Variants in SAMD12 observed in about 807,000 individuals in gnomAD.
SAMD12 encodes sterile alpha motif domain containing 12.
A neutral mutation model predicts 15.0 loss-of-function variants in SAMD12; 9 were observed. That is an observed-to-expected ratio of 0.60 (90% CI 0.36 to 1.05). SAMD12 has a LOEUF of 1.05. Among genes scored for constraint, SAMD12 ranks in the 50% least tolerant of loss-of-function variants. The pLI, the probability that SAMD12 is intolerant of heterozygous loss-of-function variation, is 0.01. For synonymous variants in SAMD12, 86 were observed against 90.1 expected, an observed-to-expected ratio of 0.96 and a Z score of 0.25; for missense variants, 230 against 234.2, an observed-to-expected ratio of 0.98 and a Z score of 0.12.
intron 4 of SAMD12, among the ~76,000 whole-genome samples, chr8:118,355,772 G>A (rs73325635): frequency 6.6e-6 from 1 of 152,122 alleles, no homozygotes; most frequent in African/African-American, 2.4e-5. Flanking sequence ...ATGCATATCT[G>A]TATATAGAAG....
intron 2 of SAMD12, among the ~76,000 whole-genome samples, chr8:118,510,770 CTATT>C (rs1292791049): frequency 6.6e-6 from 1 of 152,200 alleles, no homozygotes; most frequent in African/African-American, 2.4e-5. Context: ...CAAAAGAGTA[CTATT>C]TATTAGTTAA....
At position 118,548,384 on chromosome 8, in the gene SAMD12, TACACACACACAC is replaced by T. The variant is rs36228827; in HGVS notation, c.192+32319_192+32330del. ...ATACCCTTTACACTAAAAACACACA[TACACACACACAC>T]ACACACACACACACACACACACACA... is the stretch of plus-strand genomic sequence containing the variant. On this transcript the variant is annotated intron_variant, in intron 2 of 3. Transcript: ENST00000314727. Among the ~76,000 whole-genome samples, 453 of 139,902 alleles carry T rather than the reference TACACACACACAC, an allele frequency of 3.2e-3. 3 individuals carry two copies. Among genetic ancestry groups the T allele is most frequent in the African/African-American group, 0.01 (384 of 36,922 alleles). The allele number at this position is 139,902 out of a possible 152,430, so 91.8% of individuals were successfully genotyped here.
chr8:118,396,716 T>C (rs1461302640), intron 3 of SAMD12, among the ~76,000 whole-genome samples: 2 of 152,240 alleles, frequency 1.3e-5, no homozygotes, highest in Non-Finnish European at 2.9e-5. Context: ...TGCGCCTGTT[T>C]AGTTCAGCAT....
At chr8:118,341,940 C>T (rs1379855478) in intron 4 of SAMD12, among the ~76,000 whole-genome samples, 2 of 152,200 alleles carry the variant, frequency 1.3e-5, no homozygotes, top group East Asian at 3.8e-4. Flanking sequence ...ACAGAAATGG[C>T]CCATGCCCAC....
chr8:118,524,701 C>T lies in SAMD12; in HGVS notation c.192+56014G>A, dbSNP rs1825485785. On this transcript the variant is annotated intron_variant, in intron 2 of 3. Coordinates refer to ENST00000314727, the MANE Select transcript of SAMD12 (RefSeq NM_207506.3). ...TTATCACACAACAACCCTATTCCTC[C>T]TGCAGTTCTTTGACAGTTAATAACC... is the stretch of plus-strand genomic sequence containing the variant. Among the ~76,000 whole-genome samples, 5 of 152,198 alleles carry T rather than the reference C, an allele frequency of 3.3e-5. No individual in the cohort carries two copies. In the South Asian group the frequency reaches 1.0e-3, roughly 32 times the overall value.
At chr8:118,326,921 A>T (rs1816593832) in intron 4 of SAMD12, among the ~76,000 whole-genome samples, 1 of 152,218 alleles carries the variant, frequency 6.6e-6, no homozygotes, top group Admixed American at 6.5e-5. Context: ...AGCCAGCTTT[A>T]TATCCCATTT....
chr8:118,501,475 A>T (rs1389395037), intron 2 of SAMD12, among the ~76,000 whole-genome samples: 7 of 152,340 alleles, frequency 4.6e-5, no homozygotes, highest in South Asian at 4.1e-4. Context: ...AATTAAAAAA[A>T]TTTTTAAAAT....
chr8:118,210,156 G>T (rs970956849), intron 4 of SAMD12, among the ~76,000 whole-genome samples: 7 of 152,158 alleles, frequency 4.6e-5, no homozygotes, highest in African/African-American at 1.7e-4. Context: ...GAAGACAAGG[G>T]ATAATAATAG....
intron 2 of SAMD12, among the ~76,000 whole-genome samples, chr8:118,576,741 G>A (rs1827161917): frequency 6.6e-6 from 1 of 152,182 alleles, no homozygotes; most frequent in Non-Finnish European, 1.5e-5. Flanking sequence ...TTTAGGAGCT[G>A]TGGCTTTGTC....
At chr8:118,432,825 C>G (rs568835717) in intron 3 of SAMD12, among the ~76,000 whole-genome samples, 2 of 152,084 alleles carry the variant, frequency 1.3e-5, no homozygotes, top group Non-Finnish European at 2.9e-5. Context: ...GGAGTATAGG[C>G]AAAACCAAAC....
intron 4 of SAMD12, among the ~76,000 whole-genome samples, chr8:118,273,940 A>G (rs983101775): frequency 1.3e-5 from 2 of 152,212 alleles, no homozygotes; most frequent in Non-Finnish European, 2.9e-5. Flanking sequence ...TGATCTATCC[A>G]GTGTCTACTT....
chr8:118,507,142 A>T (rs112285332), intron 2 of SAMD12, among the ~76,000 whole-genome samples: 1 of 151,960 alleles, frequency 6.6e-6, no homozygotes, highest in Non-Finnish European at 1.5e-5. Context: ...ACGCAGTCAC[A>T]CTGAGCACCT....
At chr8:118,500,840 G>A (rs1288580459) in intron 2 of SAMD12, among the ~76,000 whole-genome samples, 1 of 152,114 alleles carries the variant, frequency 6.6e-6, no homozygotes, top group Non-Finnish European at 1.5e-5. Context: ...CTTCATCTAT[G>A]ATCAGAATAC....
chr8:118,202,489 G>A (rs1819741479), intron 4 of SAMD12, among the ~76,000 whole-genome samples: 1 of 152,142 alleles, frequency 6.6e-6, no homozygotes. Context: ...CACTTCAAAG[G>A]CAGGAAGTGA....
At chr8:118,332,278 C>T (rs1019406841) in intron 4 of SAMD12, among the ~76,000 whole-genome samples, 2 of 151,984 alleles carry the variant, frequency 1.3e-5, no homozygotes, top group African/African-American at 4.8e-5. Context: ...TATTTAATTC[C>T]CTGACAATGA....
chr8:118,575,872 A>G (rs984535059), intron 2 of SAMD12, among the ~76,000 whole-genome samples: 5 of 152,230 alleles, frequency 3.3e-5, no homozygotes, highest in African/African-American at 1.2e-4. Flanking sequence ...AAGATAGGAA[A>G]CAGATAGGAT....
At chr8:118,412,342 C>T (rs559511372) in intron 3 of SAMD12, among the ~76,000 whole-genome samples, 4 of 152,296 alleles carry the variant, frequency 2.6e-5, no homozygotes, top group Admixed American at 6.5e-5. Context: ...ATTTAGATAA[C>T]AAGCCTGGAC....
At chr8:118,320,967 T>G (rs1196269801) in intron 4 of SAMD12, among the ~76,000 whole-genome samples, 1 of 148,614 alleles carries the variant, frequency 6.7e-6, no homozygotes, top group Non-Finnish European at 1.5e-5. Context: ...GCAACCTTTA[T>G]GTGATAAAAA....
At chr8:118,324,396 C>G (rs6996584) in intron 4 of SAMD12, among the ~76,000 whole-genome samples, 72,681 of 152,042 alleles carry the variant, frequency 0.48, 19,413 homozygotes, top group African/African-American at 0.74. Flanking sequence ...TTCTATTTAA[C>G]AGCTATCTTG....
Sources: gnomAD v4.1 joint callset for allele counts (sites outside exome capture counted in the v4.1 genomes callset) on GRCh38, gnomAD v4.1.1 for gene constraint, MANE v1.5 for transcripts, NCBI Gene and HGNC (gene_info 2026-07-23, HGNC 2026-07-21) for gene names.